Variants in COL25A1 observed in about 807,000 individuals in gnomAD.
COL25A1 encodes collagen type XXV alpha 1 chain.
Under a neutral mutation model 128.4 loss-of-function variants are expected in COL25A1, and 103 were observed. The observed-to-expected ratio is 0.80, with a 90% confidence interval of 0.68 to 0.94. COL25A1 has a LOEUF of 0.94. Among genes scored for constraint, COL25A1 ranks in the 40% least tolerant of loss-of-function variants. COL25A1 has a pLI of 0.00. For synonymous variants in COL25A1, 279 were observed against 277.2 expected (o/e 1.01, Z -0.06); for missense variants, 745 against 840.0 (o/e 0.89, Z 1.40).
At chr4:108,945,300 A>T (rs1335897139) in intron 8 of COL25A1, among the ~76,000 whole-genome samples, 1 of 152,190 alleles carries the variant, frequency 6.6e-6, no homozygotes, top group African/African-American at 2.4e-5. Flanking sequence ...TCCAGATCCT[A>T]GGTAGACACT....
At chr4:108,959,605 C>T (rs1261036415) in intron 8 of COL25A1, among the ~76,000 whole-genome samples, 3 of 152,192 alleles carry the variant, frequency 2.0e-5, no homozygotes, top group Admixed American at 6.5e-5. Context: ...ACATTTGACA[C>T]ATTCTAAAAA....
intron 3 of COL25A1, among the ~76,000 whole-genome samples, chr4:109,268,976 C>T (rs1040870152): frequency 7.3e-5 from 11 of 151,604 alleles, no homozygotes; most frequent in Admixed American, 5.3e-4. Flanking sequence ...TACATGTGCA[C>T]ATTGTGCAGG....
At chr4:108,881,123 A>AG (rs1232796727) in intron 19 of COL25A1, among the ~76,000 whole-genome samples, 5 of 152,226 alleles carry the variant, frequency 3.3e-5, no homozygotes, top group Admixed American at 6.5e-5. Flanking sequence ...ACTTTTGGAT[A>AG]CTTCTGCAGG....
At chr4:109,075,469 A>C (rs1763300021) in intron 3 of COL25A1, among the ~76,000 whole-genome samples, 1 of 152,116 alleles carries the variant, frequency 6.6e-6, no homozygotes, top group African/African-American at 2.4e-5. Flanking sequence ...AAATGATCAT[A>C]AGAATTGCTA....
intron 31 of COL25A1, among the ~76,000 whole-genome samples, chr4:108,832,896 G>A (rs1426303509): frequency 6.6e-6 from 1 of 151,866 alleles, no homozygotes; most frequent in African/African-American, 2.4e-5. Context: ...CTACTCGGGA[G>A]GCTGAGACTG....
intron 3 of COL25A1, among the ~76,000 whole-genome samples, chr4:109,128,628 C>A (rs953622824): frequency 6.6e-6 from 1 of 152,154 alleles, no homozygotes; most frequent in African/African-American, 2.4e-5. Flanking sequence ...TTGTTTGGTG[C>A]CCTGCAAATA....
intron 6 of COL25A1, among the ~76,000 whole-genome samples, chr4:108,989,518 C>T (rs574234791): frequency 3.6e-4 from 55 of 152,124 alleles, no homozygotes; most frequent in African/African-American, 1.2e-3. Context: ...TTCAATTCTG[C>T]GTATTTTTTA....
intron 3 of COL25A1, among the ~76,000 whole-genome samples, chr4:109,223,569 G>T (rs1466072129): frequency 1.3e-5 from 2 of 152,022 alleles, no homozygotes; most frequent in African/African-American, 4.8e-5. Flanking sequence ...AGTGAGTGGG[G>T]ACATCTCCCC....
intron 19 of COL25A1, among the ~76,000 whole-genome samples, chr4:108,870,314 AT>A (rs1479880358): frequency 6.6e-6 from 1 of 152,096 alleles, no homozygotes; most frequent in African/African-American, 2.4e-5. Flanking sequence ...ACAGAAGTCA[AT>A]TTTTTTAATA....
At chr4:109,268,019 A>G (rs1781906129) in intron 3 of COL25A1, among the ~76,000 whole-genome samples, 1 of 152,224 alleles carries the variant, frequency 6.6e-6, no homozygotes, top group Non-Finnish European at 1.5e-5. Context: ...AGAAATCTAA[A>G]ACTTTAAAAT....
intron 3 of COL25A1, among the ~76,000 whole-genome samples, chr4:109,077,705 C>G (rs1284656095): frequency 6.6e-6 from 1 of 152,158 alleles, no homozygotes; most frequent in African/African-American, 2.4e-5. Flanking sequence ...TGGAAACAGA[C>G]AGAAAGGCAA....
intron 31 of COL25A1, among the ~76,000 whole-genome samples, chr4:108,837,304 T>A (rs1296241144): frequency 2.0e-5 from 3 of 152,204 alleles, no homozygotes; most frequent in Non-Finnish European, 1.5e-5. Context: ...TGATTTTATG[T>A]CATATTTTAC....
chr4:109,063,503 A>G (rs1369132345), intron 3 of COL25A1, among the ~76,000 whole-genome samples: 1 of 91,732 alleles, frequency 1.1e-5, no homozygotes, highest in African/African-American at 5.0e-5. Flanking sequence ...ACTCCAACTC[A>G]AAAAAAAAAA....
At chr4:109,283,730 C>T (rs933711354) in intron 3 of COL25A1, among the ~76,000 whole-genome samples, 1 of 152,294 alleles carries the variant, frequency 6.6e-6, no homozygotes, top group East Asian at 1.9e-4. Flanking sequence ...TTCATTTATA[C>T]TAACGTTTCT....
chr4:108,990,227 AAAAAAAAAAAAAATATATAT>A (rs1251927783), intron 6 of COL25A1, among the ~76,000 whole-genome samples: 13 of 70,432 alleles, frequency 1.8e-4, no homozygotes, highest in East Asian at 1.8e-3. Flanking sequence ...AAAAAAAAAA[AAAAAAAAAAAAAATATATAT>A]ATATATATAT....
chr4:108,945,456 AT>A (rs1472697696), intron 8 of COL25A1, among the ~76,000 whole-genome samples: 2 of 152,118 alleles, frequency 1.3e-5, no homozygotes, highest in African/African-American at 4.8e-5. Flanking sequence ...AGAGGATATA[AT>A]TTTTATTAAC....
rs934163233 is a variant in COL25A1 at position 108,832,488 on chromosome 4, A to G, written c.1657-55T>C. 5.7e-6 allele frequency: 7 copies of G among 1,225,762 alleles called. No homozygotes were observed. In the Admixed American group the frequency reaches 1.5e-4, roughly 26 times the overall value. 75.9% of individuals were successfully genotyped at this position (1,225,762 alleles called of 1,614,324 possible). ...CAAGGGCTGCAAGAATAGCAGTTAT[A>G]ATTTATCCTGGATTTTTCCTAGGTG... On this transcript the variant is annotated intron_variant, in intron 31 of 37. Transcript: ENST00000399132.
chr4:109,273,998 C>T (rs1462511015), intron 3 of COL25A1, among the ~76,000 whole-genome samples: 4 of 152,152 alleles, frequency 2.6e-5, no homozygotes, highest in African/African-American at 9.7e-5. Context: ...ATCATTTAAT[C>T]CAATTCCCTC....
At chr4:109,089,128 T>C (rs765593317) in intron 3 of COL25A1, among the ~76,000 whole-genome samples, 2 of 152,110 alleles carry the variant, frequency 1.3e-5, no homozygotes, top group African/African-American at 4.8e-5. Context: ...CAAGGAAATA[T>C]TAAACAAAAG....
Sources: allele counts gnomAD v4.1 joint callset (sites outside exome capture counted in the v4.1 genomes callset), GRCh38; gene constraint gnomAD v4.1.1; transcripts MANE v1.5; gene names NCBI Gene and HGNC (gene_info 2026-07-23, HGNC 2026-07-21).